Variants in CNBD1 observed in about 807,000 individuals in gnomAD.
The protein encoded by CNBD1 is cyclic nucleotide binding domain containing 1.
In CNBD1, 71 loss-of-function variants were observed where a neutral mutation model predicts 54.4. That is an observed-to-expected ratio of 1.30 (90% CI 1.08 to 1.59). The LOEUF (loss-of-function observed/expected upper bound fraction) is 1.59. Ranked by LOEUF, CNBD1 falls within the 40% of genes most tolerant of loss-of-function variation. The probability of loss-of-function intolerance (pLI) is 0.00; values close to 1 mark genes in which losing one functional copy is unlikely to be tolerated. For synonymous variants in CNBD1, 182 were observed against 170.7 expected (o/e 1.07, Z -0.51); for missense variants, 659 against 518.0 (o/e 1.27, Z -2.64).
At chr8:86,979,506 C>A (rs1808424095) in intron 4 of CNBD1, among the ~76,000 whole-genome samples, 1 of 149,740 alleles carries the variant, frequency 6.7e-6, no homozygotes, top group Non-Finnish European at 1.5e-5. Context: ...TGGGACTTTG[C>A]TTAGCCTAGC....
intron 4 of CNBD1, among the ~76,000 whole-genome samples, chr8:87,075,031 A>G (rs1194760705): frequency 3.9e-5 from 6 of 152,180 alleles, no homozygotes; most frequent in South Asian, 2.1e-4. Context: ...GCTCATCCAT[A>G]TATGGGGTTA....
Position 87,146,008 on chromosome 8 carries a change from A to G in CNBD1, c.432-59985A>G, listed in dbSNP as rs148107385. Among the ~76,000 whole-genome samples the G allele has an allele frequency of 5.6e-4, 86 of 152,216 alleles. 1 individual carries two copies. In the East Asian group the frequency reaches 0.016, roughly 29 times the overall value. On this transcript the variant is annotated intron_variant, in intron 4 of 10. Coordinates refer to ENST00000518476, the MANE Select transcript of CNBD1 (RefSeq NM_173538.3). ...GATAAAAATTTAGAGATTAGGACTT[A>G]TTTTCATTCCTTCTTTGACTCTGCA...
intron 4 of CNBD1, among the ~76,000 whole-genome samples, chr8:87,102,715 G>A (rs192030194): frequency 1.3e-5 from 2 of 152,202 alleles, no homozygotes; most frequent in Admixed American, 6.5e-5. Flanking sequence ...CCGGGTTCAC[G>A]CCGTTCTCTT....
At chr8:86,985,154 T>C (rs1032370827) in intron 4 of CNBD1, among the ~76,000 whole-genome samples, 3 of 152,140 alleles carry the variant, frequency 2.0e-5, no homozygotes, top group Non-Finnish European at 4.4e-5. Flanking sequence ...AGCTGTCTTC[T>C]CTTGTCTGCT....
At chr8:87,408,536 C>T (rs1244967236) in intron 2 of CNBD1, among the ~76,000 whole-genome samples, 1 of 152,034 alleles carries the variant, frequency 6.6e-6, no homozygotes, top group Non-Finnish European at 1.5e-5. Flanking sequence ...GGACTTTGGG[C>T]TGCTTTTTTC....
chr8:87,291,963 G>A (rs752302432), intron 8 of CNBD1, among the ~76,000 whole-genome samples: 2 of 152,092 alleles, frequency 1.3e-5, no homozygotes, highest in Non-Finnish European at 2.9e-5. Context: ...ATATTTTGAT[G>A]TCAGTGTTTA....
chr8:86,970,817 A>G (rs1014710473), intron 4 of CNBD1, among the ~76,000 whole-genome samples: 3 of 152,112 alleles, frequency 2.0e-5, no homozygotes, highest in African/African-American at 4.8e-5. Context: ...GTGGCATTTC[A>G]TTGTTTACAC....
At chr8:87,399,613 A>G (rs2130976195) in intron 2 of CNBD1, among the ~76,000 whole-genome samples, 1 of 151,990 alleles carries the variant, frequency 6.6e-6, no homozygotes, top group East Asian at 1.9e-4. Context: ...CAGGAGTGTT[A>G]TTCAAAATAT....
intron 10 of CNBD1, among the ~76,000 whole-genome samples, chr8:87,375,915 T>C (rs530965677): frequency 2.0e-5 from 3 of 151,958 alleles, no homozygotes; most frequent in African/African-American, 4.8e-5. Flanking sequence ...ACTCAGACTA[T>C]GTTGATAAAA....
At chr8:86,867,499 T>C (rs1808381971) in intron 1 of CNBD1, among the ~76,000 whole-genome samples, 1 of 152,170 alleles carries the variant, frequency 6.6e-6, no homozygotes, top group Non-Finnish European at 1.5e-5. Flanking sequence ...GGTTAAAAGG[T>C]ATAACAGGTG....
chr8:87,421,191 G>GT (rs879495092), intron 2 of CNBD1, among the ~76,000 whole-genome samples: 1 of 151,860 alleles, frequency 6.6e-6, no homozygotes, highest in African/African-American at 2.4e-5. Flanking sequence ...AATTAGGCAA[G>GT]TTACATAATT....
intron 8 of CNBD1, among the ~76,000 whole-genome samples, chr8:87,347,043 A>G (rs964320330): frequency 1.6e-4 from 24 of 152,096 alleles, no homozygotes; most frequent in African/African-American, 5.6e-4. Flanking sequence ...CACTGAGAGT[A>G]TTGCTCTTTG....
At chr8:87,102,392 T>C (rs1290549096) in intron 4 of CNBD1, among the ~76,000 whole-genome samples, 1 of 152,212 alleles carries the variant, frequency 6.6e-6, no homozygotes, top group Non-Finnish European at 1.5e-5. Flanking sequence ...TCACATTTTA[T>C]GTCTGCCAGA....
chr8:87,079,150 C>T (rs1810935391), intron 4 of CNBD1, among the ~76,000 whole-genome samples: 1 of 151,854 alleles, frequency 6.6e-6, no homozygotes. Flanking sequence ...TTTCACTCAG[C>T]ATGCAGATTT....
intron 9 of CNBD1, among the ~76,000 whole-genome samples, chr8:87,352,251 C>A (rs564616903): frequency 3.0e-4 from 45 of 152,010 alleles, no homozygotes; most frequent in African/African-American, 1.1e-3. Context: ...GAGGCCGAGG[C>A]GGGCGGATCA....
chr8:87,011,229 A>G (rs924120515), intron 4 of CNBD1, among the ~76,000 whole-genome samples: 1 of 147,960 alleles, frequency 6.8e-6, no homozygotes, highest in Non-Finnish European at 1.5e-5. Context: ...CTCTCACAGC[A>G]CTGTGCAACT....
At chr8:87,381,077 A>G (rs1811063162) in intron 10 of CNBD1, among the ~76,000 whole-genome samples, 2 of 152,100 alleles carry the variant, frequency 1.3e-5, no homozygotes, top group Admixed American at 6.6e-5. Context: ...CAGCAAAGGA[A>G]CCAATCACCA....
At chr8:87,147,854 G>A (rs1417121824) in intron 4 of CNBD1, among the ~76,000 whole-genome samples, 1 of 152,118 alleles carries the variant, frequency 6.6e-6, no homozygotes, top group Non-Finnish European at 1.5e-5. Flanking sequence ...TGGTTTTAAA[G>A]CTACATTAAT....
intron 4 of CNBD1, among the ~76,000 whole-genome samples, chr8:87,004,396 T>G (rs1368928932): frequency 6.6e-6 from 1 of 152,208 alleles, no homozygotes; most frequent in Non-Finnish European, 1.5e-5. Flanking sequence ...GGATCAATTT[T>G]AAACACAATT....
Sources: allele counts gnomAD v4.1 joint callset (sites outside exome capture counted in the v4.1 genomes callset), GRCh38; gene constraint gnomAD v4.1.1; transcripts MANE v1.5; gene names NCBI Gene and HGNC (gene_info 2026-07-23, HGNC 2026-07-21).